ERC2: variants seen among roughly 807,000 people sequenced by gnomAD.
ERC2 encodes the protein ERC protein 2.
A neutral mutation model predicts 114.8 loss-of-function variants in ERC2; 42 were observed. The observed-to-expected ratio is 0.37, with a 90% CI of 0.29 to 0.47. The LOEUF (loss-of-function observed/expected upper bound fraction) is 0.47. ERC2 is among the 20% of genes least tolerant of loss of function. The pLI is 0.99. For missense variants in ERC2, 939 were observed against 1,150.7 expected, an observed-to-expected ratio of 0.82 and a Z score of 2.66; for synonymous variants, 454 against 425.5, an observed-to-expected ratio of 1.07 and a Z score of -0.82.
intron 2 of ERC2, among the ~76,000 whole-genome samples, chr3:56,341,115 A>C (rs1297885489): frequency 6.6e-6 from 1 of 152,194 alleles, no homozygotes; most frequent in East Asian, 1.9e-4. Flanking sequence ...ACTGTTATTT[A>C]AAAATTAAAA....
chr3:56,340,633 G>T (rs2150490460), intron 2 of ERC2, among the ~76,000 whole-genome samples: 1 of 151,582 alleles, frequency 6.6e-6, no homozygotes, highest in East Asian at 2.0e-4. Flanking sequence ...CAGCCTTGGG[G>T]CAAGTTTTCT....
At chr3:56,023,576 C>T (rs2073858579) in intron 7 of ERC2, among the ~76,000 whole-genome samples, 1 of 152,102 alleles carries the variant, frequency 6.6e-6, no homozygotes, top group Admixed American at 6.6e-5. Context: ...CTCCAACCCC[C>T]TAAACCAGGT....
chr3:56,081,432 A>G (rs1439688787), intron 6 of ERC2, among the ~76,000 whole-genome samples: 1 of 152,164 alleles, frequency 6.6e-6, no homozygotes, highest in Non-Finnish European at 1.5e-5. Flanking sequence ...ATTGACATGT[A>G]GAGAAACACT....
At chr3:55,932,887 C>CA (rs2066190513) in intron 13 of ERC2, among the ~76,000 whole-genome samples, 7 of 152,104 alleles carry the variant, frequency 4.6e-5, no homozygotes, top group Admixed American at 4.6e-4. Flanking sequence ...GTCTGGCCAG[C>CA]AAAAATGGTA....
intron 14 of ERC2, among the ~76,000 whole-genome samples, chr3:55,816,658 A>G (rs1300807233): frequency 6.6e-6 from 1 of 152,152 alleles, no homozygotes; most frequent in Non-Finnish European, 1.5e-5. Flanking sequence ...GACAATTCAA[A>G]TCCCATCTTT....
chr3:56,283,312 A>T (rs1247642748), intron 3 of ERC2, among the ~76,000 whole-genome samples: 4 of 152,214 alleles, frequency 2.6e-5, no homozygotes, highest in Non-Finnish European at 4.4e-5. Context: ...TGTATCATGA[A>T]GGTACAGTGG....
At chr3:56,122,594 T>C (rs1009096275) in intron 6 of ERC2, among the ~76,000 whole-genome samples, 1 of 152,146 alleles carries the variant, frequency 6.6e-6, no homozygotes, top group African/African-American at 2.4e-5. Flanking sequence ...TTTTGGCCCA[T>C]TCAGGTTGTG....
At chr3:56,415,442 G>C (rs1267999206) in intron 2 of ERC2, among the ~76,000 whole-genome samples, 1 of 152,086 alleles carries the variant, frequency 6.6e-6, no homozygotes, top group Non-Finnish European at 1.5e-5. Flanking sequence ...TCTGAATAGG[G>C]AATAGATCAC....
At chr3:56,090,784 G>C (rs1199992214) in intron 6 of ERC2, among the ~76,000 whole-genome samples, 1 of 107,468 alleles carries the variant, frequency 9.3e-6, no homozygotes, top group South Asian at 3.9e-4. Flanking sequence ...ATGCTCCCTG[G>C]CTCCCCCTAC....
intron 17 of ERC2, among the ~76,000 whole-genome samples, chr3:55,640,273 T>C (rs1441667624): frequency 6.6e-6 from 1 of 152,204 alleles, no homozygotes; most frequent in Non-Finnish European, 1.5e-5. Context: ...TCTACAAGGC[T>C]CACATTCCAA....
chr3:55,646,252 C>G (rs1055122838), intron 17 of ERC2, among the ~76,000 whole-genome samples: 52 of 152,238 alleles, frequency 3.4e-4, no homozygotes, highest in African/African-American at 1.2e-3. Flanking sequence ...CCTGTTCACG[C>G]ATTCCTTTCT....
At chr3:56,123,782 C>A (rs1176567077) in intron 6 of ERC2, among the ~76,000 whole-genome samples, 2 of 152,186 alleles carry the variant, frequency 1.3e-5, no homozygotes, top group African/African-American at 4.8e-5. Flanking sequence ...CTCTGTAATG[C>A]CGGTCTTGAC....
intron 17 of ERC2, among the ~76,000 whole-genome samples, chr3:55,662,645 A>G (rs2061186038): frequency 6.6e-6 from 1 of 152,236 alleles, no homozygotes; most frequent in Non-Finnish European, 1.5e-5. Context: ...GTCTACTTCA[A>G]TATAGCTTAA....
rs1246783777 is a variant in ERC2, at chr3:56,293,144, T to A, written c.1074+2875A>T. On this transcript the variant is annotated intron_variant, in intron 3 of 17. Coordinates refer to ENST00000288221, the MANE Select transcript of ERC2 (RefSeq NM_015576.3). ...TGAATAAATGAATGAATGAATGAGATGATTCAGTGTGAATCAACGTAAAGC... is the reference window on the plus strand; with the variant it reads ...TGAATAAATGAATGAATGAATGAGAAGATTCAGTGTGAATCAACGTAAAGC... Among the ~76,000 whole-genome samples the A allele has an allele frequency of 2.6e-5, 4 of 152,354 alleles. No individual in the cohort carries two copies. In the South Asian group the frequency reaches 8.3e-4, roughly 32 times the overall value.
At chr3:56,190,611 A>C (rs555974163) in intron 3 of ERC2, among the ~76,000 whole-genome samples, 1 of 151,954 alleles carries the variant, frequency 6.6e-6, no homozygotes, top group African/African-American at 2.4e-5. Flanking sequence ...AACTTTTTAA[A>C]ATTTTTTTGT....
intron 2 of ERC2, among the ~76,000 whole-genome samples, chr3:56,310,227 C>A (rs1560568420): frequency 6.6e-6 from 1 of 152,146 alleles, no homozygotes; most frequent in Non-Finnish European, 1.5e-5. Flanking sequence ...TTAAGAAATA[C>A]TGGTATTTTA....
chr3:56,395,384 T>G (rs1337800040), intron 2 of ERC2, among the ~76,000 whole-genome samples: 1 of 152,196 alleles, frequency 6.6e-6, no homozygotes, highest in Non-Finnish European at 1.5e-5. Flanking sequence ...CTTAAATACT[T>G]TAACATTGTC....
chr3:55,817,723 T>C (rs2059959207), intron 14 of ERC2, among the ~76,000 whole-genome samples: 1 of 152,220 alleles, frequency 6.6e-6, no homozygotes. Context: ...AGTCTCAGTT[T>C]CTTCATCTGT....
intron 3 of ERC2, among the ~76,000 whole-genome samples, chr3:56,225,251 A>G (rs901987520): frequency 1.3e-5 from 2 of 152,236 alleles, no homozygotes; most frequent in South Asian, 4.2e-4. Flanking sequence ...AAATGAAAAA[A>G]GGGGGAAAAA....
Sources: gnomAD v4.1 joint callset for allele counts (sites outside exome capture counted in the v4.1 genomes callset) on GRCh38, gnomAD v4.1.1 for gene constraint, MANE v1.5 for transcripts, NCBI Gene and HGNC (gene_info 2026-07-23, HGNC 2026-07-21) for gene names.